TDRD1: variants seen among roughly 807,000 people sequenced by gnomAD.
TDRD1 encodes the protein tudor domain-containing protein 1.
Under a neutral mutation model 140.6 loss-of-function variants are expected in TDRD1, and 37 were observed. That is an observed-to-expected ratio of 0.26 (90% CI 0.20 to 0.35). The LOEUF (loss-of-function observed/expected upper bound fraction) is 0.35, where lower values mean the gene tolerates loss of function less well. Among genes scored for constraint, TDRD1 ranks in the 10% least tolerant of loss-of-function variants. The pLI is 1.00. For missense variants in TDRD1, 1,243 were observed against 1,393.0 expected, an observed-to-expected ratio of 0.89 and a Z score of 1.71; for synonymous variants, 506 against 475.7, an observed-to-expected ratio of 1.06 and a Z score of -0.83.
chr10:114,221,232 T>C, intron 19 of TDRD1, 125 bp from the exon 20 acceptor site: 1 of 1,020,314 alleles, frequency 9.8e-7, no homozygotes, highest in Non-Finnish European at 1.4e-6. Context: ...CAGATTTTTA[T>C]TTTGGGGATT....
chr10:114,191,624 T>C (rs1484428548), intron 3 of TDRD1, among the ~76,000 whole-genome samples: 1 of 152,230 alleles, frequency 6.6e-6, no homozygotes, highest in Non-Finnish European at 1.5e-5. Flanking sequence ...CATTTACCTA[T>C]TGAAGGACAC....
rs1328467796 is a variant in TDRD1, at chr10:114,213,337, C to T, written c.1832-9C>T. 1.3e-6 allele frequency: 2 copies of T among 1,597,210 alleles called. No individual in the cohort carries two copies. Among genetic ancestry groups the T allele is most frequent in the Non-Finnish European group, 1.7e-6 (2 of 1,170,418 alleles). On this transcript the variant is annotated splice_polypyrimidine_tract_variant and intron_variant, in intron 14 of 25. Coordinates refer to ENST00000251864, the Ensembl canonical transcript of TDRD1. ...ATAATTGTAACATTCATTCAAAATT[C>T]TTTGTTAGGAGTAAAGCCATCATTA...
At position 114,221,486 on chromosome 10, in the gene TDRD1, C is replaced by G; in HGVS notation, c.2890+10C>G. ...CCAAAAGGGATGCCAGGTAAGAAAC[C>G]AAAATTTGAGACATATTTATGCTCA... On this transcript the variant is annotated intron_variant, in intron 20 of 25. Coordinates refer to ENST00000251864, the Ensembl canonical transcript of TDRD1. 6.2e-7 allele frequency: 1 copy of G among 1,609,112 alleles called. No homozygotes were observed. The highest frequency in any genetic ancestry group is 1.1e-5 in the South Asian group (1 of 89,882).
At chr10:114,219,488 C>G (rs1441774331) in intron 18 of TDRD1, among the ~76,000 whole-genome samples, 1 of 151,948 alleles carries the variant, frequency 6.6e-6, no homozygotes, top group Non-Finnish European at 1.5e-5. Flanking sequence ...TTCCAAAATT[C>G]AACAGTGGTA....
rs138528106 is a variant in TDRD1 at position 114,211,199 on chromosome 10, A to C, written c.1660+232A>C. ...GTCTGTGTGTCAAGGAGGTGGAGATATAAAGGAGGTATTTTTGGTTATTTT... is the reference window on the plus strand; with the variant it reads ...GTCTGTGTGTCAAGGAGGTGGAGATCTAAAGGAGGTATTTTTGGTTATTTT... On this transcript the variant is annotated intron_variant, in intron 13 of 25. Transcript: ENST00000251864. Among the ~76,000 whole-genome samples, 803 of 152,264 alleles carry C rather than the reference A, an allele frequency of 5.3e-3. 8 individuals are homozygous for C. The highest frequency in any genetic ancestry group is 0.018 in the African/African-American group (751 of 41,534).
intron 2 of TDRD1, among the ~76,000 whole-genome samples, chr10:114,189,058 A>G (rs574085215): frequency 6.6e-6 from 1 of 152,266 alleles, no homozygotes; most frequent in South Asian, 2.1e-4. Flanking sequence ...CTTTTCTGCT[A>G]TGCCAACTTT....
Position 114,228,007 on chromosome 10 carries a change from T to C in TDRD1, c.3451-31T>C, listed in dbSNP as rs1285440205. 7 of 1,610,672 alleles carry C rather than the reference T, an allele frequency of 4.3e-6. No individual in the cohort carries two copies. In the African/African-American group the frequency reaches 8.0e-5, roughly 18 times the overall value. On this transcript the variant is annotated intron_variant, in intron 24 of 25. Coordinates refer to ENST00000251864, the Ensembl canonical transcript of TDRD1. ...ATTATACTCCTAACGTTTTTAGAAA[T>C]TAAATCATATGGTTTCTTTTTCACC...
At chr10:114,187,157 C>T (rs1831489908) in intron 1 of TDRD1, among the ~76,000 whole-genome samples, 2 of 152,154 alleles carry the variant, frequency 1.3e-5, no homozygotes, top group Admixed American at 1.3e-4. Flanking sequence ...GGAAAGCTTG[C>T]AACATTTCCA....
chr10:114,183,737 G>A lies in TDRD1; in HGVS notation c.-6-4089G>A, dbSNP rs531985654. Among the ~76,000 whole-genome samples the A allele has an allele frequency of 9.9e-5, 13 of 131,516 alleles. No individual in the cohort carries two copies. In the South Asian group the frequency reaches 2.5e-3, roughly 26 times the overall value. The allele number at this position is 131,516 out of a possible 152,430, so 86.3% of individuals were successfully genotyped here. On this transcript the variant is annotated intron_variant, in intron 1 of 25. Coordinates refer to ENST00000251864, the Ensembl canonical transcript of TDRD1. ...TTTTTTTTTGAGACAGTCTCGCTTCGTTGCCCAAGCTGGAGTGCAGTGGCG... is the reference window on the plus strand; with the variant it reads ...TTTTTTTTTGAGACAGTCTCGCTTCATTGCCCAAGCTGGAGTGCAGTGGCG...
chr10:114,191,507 T>C (rs889662400), intron 3 of TDRD1, among the ~76,000 whole-genome samples: 6 of 152,230 alleles, frequency 3.9e-5, no homozygotes, highest in African/African-American at 1.4e-4. Flanking sequence ...GGATTGGCTT[T>C]TGTCATTTCA....
chr10:114,227,862 T>C (rs374629803), intron 23 of TDRD1, 48 bp from the exon 24 acceptor site: 27 of 1,522,682 alleles, frequency 1.8e-5, no homozygotes, highest in Non-Finnish European at 2.4e-5. Flanking sequence ...AAGTTTTTCT[T>C]CTTTACATTA....
intron 2 of TDRD1, among the ~76,000 whole-genome samples, chr10:114,189,147 TAAAAG>T (rs1327395544): frequency 2.6e-5 from 4 of 152,320 alleles, no homozygotes; most frequent in Non-Finnish European, 4.4e-5. Flanking sequence ...GTCATGCACT[TAAAAG>T]GAAAACCAGA....
chr10:114,203,222 GTATT>G (rs778381337), intron 7 of TDRD1, 46 bp downstream of exon 7: 1 of 1,521,452 alleles, frequency 6.6e-7, no homozygotes, highest in Non-Finnish European at 9.0e-7. Flanking sequence ...CCAGAGAACT[GTATT>G]TATTCTCGTT....
At chr10:114,201,335 T>G in intron 4 of TDRD1, 75 bp from the exon 5 acceptor site, 101 of 1,181,776 alleles carry the variant, frequency 8.5e-5, no homozygotes, top group Non-Finnish European at 1.0e-4. Context: ...GCTAATAGAA[T>G]GATATTTGCT....
chr10:114,222,661 T>C (rs2036213382), exon 21 of TDRD1: 1 of 1,612,886 alleles, frequency 6.2e-7, no homozygotes. Flanking sequence ...TCGACCACCC[T>C]ATAGACCAAG....
chr10:114,220,213 G>A (rs1160067094), intron 18 of TDRD1, among the ~76,000 whole-genome samples: 1 of 152,190 alleles, frequency 6.6e-6, no homozygotes, highest in Non-Finnish European at 1.5e-5. Flanking sequence ...TCTCCACAAA[G>A]GTGGCAGTAT....
At chr10:114,185,491 A>G (rs11196650) in intron 1 of TDRD1, among the ~76,000 whole-genome samples, 22,120 of 151,694 alleles carry the variant, frequency 0.15, 1,710 homozygotes, top group African/African-American at 0.18. Flanking sequence ...TGCCCAGCCT[A>G]TGTTTTCTTA....
At chr10:114,187,923 A>G (rs770900833) in exon 2 of TDRD1, 9 of 1,613,230 alleles carry the variant, frequency 5.6e-6, no homozygotes, top group Non-Finnish European at 7.6e-6. Flanking sequence ...TTTGAGAAAA[A>G]TGAAAACAAG....
intron 1 of TDRD1, among the ~76,000 whole-genome samples, chr10:114,181,644 A>G (rs2033073394): frequency 6.6e-6 from 1 of 152,122 alleles, no homozygotes; most frequent in African/African-American, 2.4e-5. Flanking sequence ...ACCTGAGGTT[A>G]GGAGTTTGAG....
Sources: allele counts gnomAD v4.1 joint callset (sites outside exome capture counted in the v4.1 genomes callset), GRCh38; gene constraint gnomAD v4.1.1; transcripts MANE v1.5; gene names NCBI Gene and HGNC (gene_info 2026-07-23, HGNC 2026-07-21).